ZNF519: variants seen among roughly 807,000 people sequenced by gnomAD.
The protein encoded by ZNF519 is zinc finger protein 519.
In ZNF519, 7 loss-of-function variants were observed where a neutral mutation model predicts 7.4. The ratio of observed to expected loss-of-function variants is 0.94; its 90% CI spans 0.54 to 1.77. The LOEUF is 1.77. Among genes scored for constraint, ZNF519 ranks in the 40% most tolerant of loss-of-function variants. The pLI, the probability that ZNF519 is intolerant of heterozygous loss-of-function variation, is 0.00. For synonymous variants in ZNF519, 179 were observed against 203.3 expected, an observed-to-expected ratio of 0.88 and a Z score of 1.02; for missense variants, 586 against 623.1, an observed-to-expected ratio of 0.94 and a Z score of 0.63.
intron 2 of ZNF519, among the ~76,000 whole-genome samples, chr18:14,089,679 C>G (rs1488058792): frequency 6.6e-6 from 1 of 152,158 alleles, no homozygotes; most frequent in Non-Finnish European, 1.5e-5. Context: ...ATTGATAAGG[C>G]TGTTGTATAC....
chr18:14,105,845 A>G lies in ZNF519; in HGVS notation c.695T>C (p.Ile232Thr), dbSNP rs112854357. 2.3e-4 allele frequency: 366 copies of G among 1,603,514 alleles called. No homozygotes were observed. Among genetic ancestry groups the G allele is most frequent in the Admixed American group, 6.5e-4 (37 of 57,352 alleles). Residue 232 changes from isoleucine to threonine, a missense_variant, in exon 3 of 3, where the codon ATT becomes ACT. Physicochemically the swap from Ile to Thr is moderately conservative, Grantham distance 89. Transcript: ENST00000590202. ...ATTACATCTTTGTGAGCTCTCTCCAATATAAATTCTTTGATGTTGAGTAAG... is the reference window on the plus strand; with the variant it reads ...ATTACATCTTTGTGAGCTCTCTCCAGTATAAATTCTTTGATGTTGAGTAAG... Reference protein sequence around the residue: ...SKLTQHQRIYIGESSQRCNKK... With the variant: ...SKLTQHQRIYTGESSQRCNKK...
chr18:14,109,306 C>G (rs1598517444), intron 2 of ZNF519, among the ~76,000 whole-genome samples: 2 of 152,164 alleles, frequency 1.3e-5, no homozygotes. Flanking sequence ...AATAAATCTT[C>G]CAGACAGAAA....
At chr18:14,106,855 A>G (rs2046195767) in intron 2 of ZNF519, among the ~76,000 whole-genome samples, 1 of 152,108 alleles carries the variant, frequency 6.6e-6, no homozygotes, top group Non-Finnish European at 1.5e-5. Flanking sequence ...CACAGCAGAA[A>G]GCAAAACTGG....
rs2046153233 is a variant in ZNF519, at chr18:14,100,107, A to C, written c.*4810T>G. 1 of 152,216 alleles carries C rather than the reference A, an allele frequency of 6.6e-6. No homozygotes were observed. Among genetic ancestry groups the C allele is most frequent in the Non-Finnish European group, 1.5e-5 (1 of 68,042 alleles). The allele number at this position is 152,216 out of a possible 1,614,324, so 9.4% of individuals were successfully genotyped here. A position where few individuals can be genotyped will look rare whatever the true frequency, so the allele number is the denominator to read the frequency against. ...AGATGTCATATGAGAACATTAAATA[A>C]AGTTCAACATTATTATCCTTTAGAA... is the stretch of plus-strand genomic sequence containing the variant. On this transcript the variant is annotated 3_prime_UTR_variant, in exon 3 of 3. Coordinates refer to ENST00000590202, the MANE Select transcript of ZNF519 (RefSeq NM_145287.4).
At chr18:14,117,025 T>C (rs1476835314) in intron 2 of ZNF519, among the ~76,000 whole-genome samples, 2 of 151,950 alleles carry the variant, frequency 1.3e-5, no homozygotes, top group African/African-American at 4.8e-5. Flanking sequence ...ATAATAATAA[T>C]ATAGGGAGAA....
intron 1 of ZNF519, among the ~76,000 whole-genome samples, chr18:14,125,916 C>T (rs943768341): frequency 2.0e-5 from 3 of 152,266 alleles, no homozygotes; most frequent in Non-Finnish European, 4.4e-5. Context: ...GCACTCCTGA[C>T]CTCAAGTGAT....
intron 3 of ZNF519, among the ~76,000 whole-genome samples, chr18:14,083,536 C>G (rs17535842): frequency 0.19 from 29,534 of 152,076 alleles, 3,546 homozygotes; most frequent in South Asian, 0.29. Context: ...ATGAAACCAC[C>G]CTTTATCATC....
chr18:14,098,653 G>C (rs1374068049), downstream of ZNF519, among the ~76,000 whole-genome samples: 2 of 152,122 alleles, frequency 1.3e-5, no homozygotes, highest in African/African-American at 4.8e-5. Context: ...TATTCTCTGA[G>C]AACTAGTTTC....
rs2046175395 is a variant in ZNF519, at chr18:14,104,088, A to G, written c.*829T>C. The G allele has an allele frequency of 6.6e-6, 1 of 152,146 alleles. No homozygotes were observed. The highest frequency in any genetic ancestry group is 2.4e-5 in the African/African-American group (1 of 41,436). 9.4% of individuals were successfully genotyped at this position (152,146 alleles called of 1,614,324 possible). A position where few individuals can be genotyped will look rare whatever the true frequency, so the allele number is the denominator to read the frequency against. ...GGATTGAATTAATAATCTATGTTCT[A>G]CCAGAGAGAAGTTATTTGCACCACT... On this transcript the variant is annotated 3_prime_UTR_variant, in exon 3 of 3. Transcript: ENST00000590202.
At chr18:14,116,007 G>A (rs1391429596) in intron 2 of ZNF519, among the ~76,000 whole-genome samples, 1 of 152,130 alleles carries the variant, frequency 6.6e-6, no homozygotes, top group East Asian at 1.9e-4. Flanking sequence ...TGTTATATAG[G>A]TAAACTTGTG....
intron 2 of ZNF519, among the ~76,000 whole-genome samples, chr18:14,115,994 G>C (rs1311789892): frequency 1.3e-5 from 2 of 152,130 alleles, no homozygotes; most frequent in African/African-American, 4.8e-5. Flanking sequence ...ATATGTACAG[G>C]TTTGTTATAT....
chr18:14,102,651 A>G lies in ZNF519; in HGVS notation c.*2266T>C, dbSNP rs537738411. ...GGATACAAAATGTAGAGTACTTTTT[A>G]AAATAATAATAATTTATTCTCTATA... On this transcript the variant is annotated 3_prime_UTR_variant, in exon 3 of 3. Coordinates refer to ENST00000590202, the MANE Select transcript of ZNF519 (RefSeq NM_145287.4). 1 of 152,334 alleles carries G rather than the reference A, an allele frequency of 6.6e-6. No homozygotes were observed. Among genetic ancestry groups the G allele is most frequent in the East Asian group, 1.9e-4 (1 of 5,190 alleles). The allele number at this position is 152,334 out of a possible 1,614,324, so 9.4% of individuals were successfully genotyped here.
chr18:14,124,930 A>C (rs1456047727), intron 1 of ZNF519, among the ~76,000 whole-genome samples: 1 of 152,204 alleles, frequency 6.6e-6, no homozygotes, highest in Non-Finnish European at 1.5e-5. Context: ...CTATTGAAAG[A>C]CTGCACTGAG....
At chr18:14,089,566 T>A (rs974909727) in intron 2 of ZNF519, among the ~76,000 whole-genome samples, 6 of 118,294 alleles carry the variant, frequency 5.1e-5, no homozygotes, top group African/African-American at 1.9e-4. Flanking sequence ...AAATAATGTA[T>A]GTTAACAGAA....
chr18:14,116,699 A>G (rs1250432676), intron 2 of ZNF519, among the ~76,000 whole-genome samples: 1 of 152,228 alleles, frequency 6.6e-6, no homozygotes, highest in Non-Finnish European at 1.5e-5. Flanking sequence ...TTATAACTCT[A>G]CAATTTTTGG....
chr18:14,076,556 C>G (rs1001618619), exon 5 of ZNF519: 12 of 151,876 alleles, frequency 7.9e-5, no homozygotes, highest in African/African-American at 2.9e-4. Flanking sequence ...TTTGTGGATG[C>G]AAAAATATAA....
intron 2 of ZNF519, among the ~76,000 whole-genome samples, chr18:14,114,945 T>G (rs2046238525): frequency 6.6e-6 from 1 of 151,910 alleles, no homozygotes; most frequent in African/African-American, 2.4e-5. Context: ...TCACAAAAAT[T>G]AAAAAATAAA....
chr18:14,105,304 A>C lies in ZNF519; in HGVS notation c.1236T>G (p.Ala412=), dbSNP rs879022826. 1.2e-6 allele frequency: 2 copies of C among 1,613,006 alleles called. No individual in the cohort carries two copies. The highest frequency in any genetic ancestry group is 3.3e-5 in the Admixed American group (2 of 59,904). ...KPFKCKECGK[A]FNRASHLTQH... is the part of the protein sequence containing the mutation. ...GAGTAAGGTGTGAAGCTCTGTTAAAAGCTTTGCCACATTCCTTACACTTGA... is the reference window on the plus strand; with the variant it reads ...GAGTAAGGTGTGAAGCTCTGTTAAACGCTTTGCCACATTCCTTACACTTGA... Residue 412 remains alanine (A), a synonymous_variant, in exon 3 of 3, where the codon GCT becomes GCG. Coordinates refer to ENST00000590202, the MANE Select transcript of ZNF519 (RefSeq NM_145287.4).
intron 1 of ZNF519, among the ~76,000 whole-genome samples, chr18:14,129,506 C>A (rs899252897): frequency 2.0e-5 from 3 of 152,128 alleles, no homozygotes; most frequent in African/African-American, 4.8e-5. Context: ...AATTACAGGA[C>A]AACGCACAGG....
Sources: allele counts gnomAD v4.1 joint callset (sites outside exome capture counted in the v4.1 genomes callset), GRCh38; gene constraint gnomAD v4.1.1; transcripts MANE v1.5; gene names NCBI Gene and HGNC (gene_info 2026-07-23, HGNC 2026-07-21).